The following METTL16 variants were observed in gnomAD, a reference collection of about 807,000 sequenced individuals.
METTL16 encodes the protein RNA N(6)-adenosine-methyltransferase METTL16.
Under a neutral mutation model 57.9 loss-of-function variants are expected in METTL16, and 19 were observed. The observed-to-expected ratio is 0.33, with a 90% CI of 0.23 to 0.48. METTL16 has a LOEUF of 0.48. Ranked by LOEUF, METTL16 falls within the 20% of genes least tolerant of loss-of-function variation. METTL16 has a pLI of 0.99. For synonymous variants in METTL16, 246 were observed against 255.6 expected (o/e 0.96, Z 0.36); for missense variants, 434 against 691.5 (o/e 0.63, Z 4.18).
chr17:2,511,185 G>A (rs1439045119), intron 1 of METTL16, among the ~76,000 whole-genome samples: 3 of 149,886 alleles, frequency 2.0e-5, no homozygotes, highest in Non-Finnish European at 4.4e-5. Flanking sequence ...GAAAGCCACA[G>A]TTAATAGTAG....
chr17:2,511,358 T>A (rs564268961), intron 1 of METTL16, among the ~76,000 whole-genome samples: 4 of 152,168 alleles, frequency 2.6e-5, no homozygotes, highest in Non-Finnish European at 5.9e-5. Context: ...AAATTCTTTC[T>A]GCACAGATCC....
In METTL16 at chr17:2,421,311, C is replaced by T. The variant is rs115941168; in HGVS notation, c.889-407G>A. ...TCCAGGCTGCAGGGAGCTCTGATTGCGCCACCGCAATCTAGCCCAGGAAAC... is the reference window on the plus strand; with the variant it reads ...TCCAGGCTGCAGGGAGCTCTGATTGTGCCACCGCAATCTAGCCCAGGAAAC... On this transcript the variant is annotated intron_variant, in intron 8 of 9. Coordinates refer to ENST00000263092, the MANE Select transcript of METTL16 (RefSeq NM_024086.4). 2.7e-3 allele frequency among the ~76,000 whole-genome samples: 417 copies of T among 152,118 alleles called. 1 individual carries two copies. Among genetic ancestry groups the T allele is most frequent in the African/African-American group, 9.1e-3 (379 of 41,474 alleles).
At chr17:2,457,161 G>A (rs368537849) in intron 6 of METTL16, among the ~76,000 whole-genome samples, 7 of 147,944 alleles carry the variant, frequency 4.7e-5, no homozygotes, top group East Asian at 4.1e-4. Flanking sequence ...GTGAAACCCC[G>A]TCTCTACTAA....
chr17:2,475,691 T>C (rs1285987755), intron 3 of METTL16, among the ~76,000 whole-genome samples: 1 of 152,202 alleles, frequency 6.6e-6, no homozygotes, highest in Non-Finnish European at 1.5e-5. Context: ...ATGACATTTT[T>C]AAATGGGTAA....
chr17:2,492,169 C>T (rs2067401905), intron 2 of METTL16, among the ~76,000 whole-genome samples: 1 of 152,146 alleles, frequency 6.6e-6, no homozygotes, highest in African/African-American at 2.4e-5. Context: ...CGAGATTGCG[C>T]CACTGCACTC....
chr17:2,454,092 T>C (rs2067091326), intron 6 of METTL16, among the ~76,000 whole-genome samples: 1 of 152,180 alleles, frequency 6.6e-6, no homozygotes, highest in South Asian at 2.1e-4. Context: ...TCACTCTAGG[T>C]TCTTCTGACA....
intron 2 of METTL16, among the ~76,000 whole-genome samples, chr17:2,484,983 TTAC>T (rs1303315059): frequency 1.3e-5 from 2 of 152,178 alleles, no homozygotes; most frequent in African/African-American, 4.8e-5. Flanking sequence ...GCACCCTCTA[TTAC>T]AGGAGTCCCC....
chr17:2,436,092 A>C lies in METTL16; in HGVS notation c.888+2017T>G, dbSNP rs578043813. 6.6e-4 allele frequency among the ~76,000 whole-genome samples: 101 copies of C among 152,264 alleles called. 2 individuals carry two copies. In the South Asian group the frequency reaches 0.02, roughly 31 times the overall value. ...CATGTGGGAGGCGGGTGAAGCAGAA[A>C]GCACTTGAAAACAGGTGCAGTTCCA... On this transcript the variant is annotated intron_variant, in intron 8 of 9. Coordinates refer to ENST00000263092, the MANE Select transcript of METTL16 (RefSeq NM_024086.4).
chr17:2,443,792 C>T (rs370175146), intron 6 of METTL16, among the ~76,000 whole-genome samples: 1 of 152,158 alleles, frequency 6.6e-6, no homozygotes, highest in African/African-American at 2.4e-5. Flanking sequence ...AGCCACCGCA[C>T]CTGGCCTTAT....
At chr17:2,466,011 G>A (rs1336780479) in intron 5 of METTL16, among the ~76,000 whole-genome samples, 1 of 152,010 alleles carries the variant, frequency 6.6e-6, no homozygotes, top group Admixed American at 6.6e-5. Context: ...TGGCCAACAT[G>A]GCGAAACCCC....
intron 8 of METTL16, among the ~76,000 whole-genome samples, chr17:2,430,001 C>T (rs992528891): frequency 5.4e-5 from 8 of 149,344 alleles, no homozygotes; most frequent in South Asian, 2.1e-4. Flanking sequence ...TTAGTGGAGA[C>T]GGGGGTTTCA....
rs150252427 is a variant in METTL16, at chr17:2,419,518, G to C, written c.*452C>G. ...TGCAAGGTAGGCCCCATCTTGAAGA[G>C]TGACCTAGAACAGGGTACCAGGGCC... On this transcript the variant is annotated 3_prime_UTR_variant, in exon 10 of 10. Transcript: ENST00000263092. 2.6e-3 allele frequency: 1,112 copies of C among 420,036 alleles called. 5 individuals carry two copies. Among genetic ancestry groups the C allele is most frequent in the Middle Eastern group, 7.5e-3 (12 of 1,606 alleles). The allele number at this position is 420,036 out of a possible 1,614,324, so 26.0% of individuals were successfully genotyped here.
At chr17:2,493,497 T>C (rs1170503478) in intron 2 of METTL16, among the ~76,000 whole-genome samples, 3 of 151,774 alleles carry the variant, frequency 2.0e-5, no homozygotes, top group African/African-American at 7.3e-5. Context: ...AGCGGGCGGA[T>C]CACTTGACGT....
chr17:2,431,020 A>T (rs539569661), intron 8 of METTL16, among the ~76,000 whole-genome samples: 31 of 152,136 alleles, frequency 2.0e-4, no homozygotes, highest in Middle Eastern at 3.4e-3. Context: ...ATCTCAGCTC[A>T]CTGCAACCTC....
chr17:2,495,851 G>A (rs8067127), intron 2 of METTL16, among the ~76,000 whole-genome samples: 4,172 of 151,718 alleles, frequency 0.027, 206 homozygotes, highest in African/African-American at 0.07. Flanking sequence ...GCTCACGCCT[G>A]TAATCCCAGC....
At chr17:2,442,484 G>C (rs1597445442) in intron 6 of METTL16, among the ~76,000 whole-genome samples, 1 of 146,252 alleles carries the variant, frequency 6.8e-6, no homozygotes, top group Non-Finnish European at 1.5e-5. Context: ...ACCCAAGTAA[G>C]AAGAAGAAAG....
At chr17:2,468,616 C>T (rs1269665247) in intron 4 of METTL16, among the ~76,000 whole-genome samples, 10 of 152,210 alleles carry the variant, frequency 6.6e-5, no homozygotes, top group Non-Finnish European at 1.5e-5. Flanking sequence ...TGTGATGGTT[C>T]ATGCCTGTAA....
chr17:2,447,819 C>T (rs2067020045), intron 6 of METTL16, among the ~76,000 whole-genome samples: 1 of 110,110 alleles, frequency 9.1e-6, no homozygotes, highest in African/African-American at 4.6e-5. Context: ...GTCAGCCCCC[C>T]GCCTGGCCAG....
intron 1 of METTL16, among the ~76,000 whole-genome samples, chr17:2,505,098 AACT>A (rs1308535102): frequency 2.0e-5 from 3 of 152,194 alleles, no homozygotes; most frequent in Non-Finnish European, 1.5e-5. Flanking sequence ...CTGAAAGAGA[AACT>A]ATTATAATGG....
Sources: allele counts gnomAD v4.1 joint callset (sites outside exome capture counted in the v4.1 genomes callset), GRCh38; gene constraint gnomAD v4.1.1; transcripts MANE v1.5; gene names NCBI Gene and HGNC (gene_info 2026-07-23, HGNC 2026-07-21).